Variants in GFPT1 observed in about 807,000 individuals in gnomAD.
The protein encoded by GFPT1 is glutamine--fructose-6-phosphate aminotransferase [isomerizing] 1.
In GFPT1, 40 loss-of-function variants were observed where a neutral mutation model predicts 92.0. The ratio of observed to expected loss-of-function variants is 0.43; its 90% CI spans 0.34 to 0.57. The LOEUF is 0.57. Among genes scored for constraint, GFPT1 ranks in the 20% least tolerant of loss-of-function variants. GFPT1 has a pLI of 0.02. For synonymous variants in GFPT1, 269 were observed against 280.6 expected (o/e 0.96, Z 0.41); for missense variants, 448 against 869.1 (o/e 0.52, Z 6.09).
chr2:69,328,167 G>T, intron 18 of GFPT1, 104 bp downstream of exon 18: 2 of 820,122 alleles, frequency 2.4e-6, no homozygotes, highest in Non-Finnish European at 2.1e-6. Context: ...GTATTCCAAA[G>T]TAAATGAGTT....
intron 1 of GFPT1, among the ~76,000 whole-genome samples, chr2:69,386,457 T>C (rs974918798): frequency 1.3e-5 from 2 of 152,168 alleles, no homozygotes; most frequent in South Asian, 2.1e-4. Flanking sequence ...CCACAGACAT[T>C]TGAAGGCCTC....
rs1223881848 is a variant in GFPT1, at chr2:69,322,112, A to G, written c.*4077T>C. On this transcript the variant is annotated 3_prime_UTR_variant, in exon 20 of 20. Coordinates refer to ENST00000357308, the MANE Select transcript of GFPT1 (RefSeq NM_001244710.2). ...TTAAGTGTTAGCATTTCTAAACTTG[A>G]GACTCTAACAGTAAAAATAAAGTAA... 6.6e-6 allele frequency: 1 copy of G among 152,192 alleles called. No individual in the cohort carries two copies. The highest frequency in any genetic ancestry group is 1.5e-5 in the Non-Finnish European group (1 of 68,020). The allele number at this position is 152,192 out of a possible 1,614,324, so 9.4% of individuals were successfully genotyped here. A position where few individuals can be genotyped will look rare whatever the true frequency, so the allele number is the denominator to read the frequency against.
intron 12 of GFPT1, among the ~76,000 whole-genome samples, chr2:69,343,413 C>A (rs1181914914): frequency 6.6e-6 from 1 of 150,708 alleles, no homozygotes; most frequent in Non-Finnish European, 1.5e-5. Flanking sequence ...CATCTCCTCA[C>A]CTTTTTTTTT....
chr2:69,380,652 C>G (rs901472770), intron 1 of GFPT1, among the ~76,000 whole-genome samples: 4 of 152,162 alleles, frequency 2.6e-5, no homozygotes, highest in African/African-American at 9.7e-5. Context: ...TTCCATCTCT[C>G]TCTCTTCTGA....
rs747850259 is a variant in GFPT1, at chr2:69,363,529, A to G, written c.349+16T>C. On this transcript the variant is annotated intron_variant, in intron 4 of 19. Coordinates refer to ENST00000357308, the MANE Select transcript of GFPT1 (RefSeq NM_001244710.2). ...GTTTCCACAATCATTCCAAAGCACA[A>G]AAAATCTTTCCATACCATTATTTTT... 1 of 1,613,448 alleles carries G rather than the reference A, an allele frequency of 6.2e-7. No individual in the cohort carries two copies. The highest frequency in any genetic ancestry group is 1.7e-5 in the Admixed American group (1 of 59,992).
intron 2 of GFPT1, among the ~76,000 whole-genome samples, chr2:69,371,801 C>A (rs2104683756): frequency 6.6e-6 from 1 of 151,728 alleles, no homozygotes; most frequent in East Asian, 2.0e-4. Flanking sequence ...CATGCCACTG[C>A]ACTCCAGGCT....
At chr2:69,375,406 T>C (rs761586435) in intron 1 of GFPT1, among the ~76,000 whole-genome samples, 1 of 152,138 alleles carries the variant, frequency 6.6e-6, no homozygotes, top group Non-Finnish European at 1.5e-5. Context: ...ACTGAAATAT[T>C]TCAGTATACA....
At position 69,323,609 on chromosome 2, in the gene GFPT1, C is replaced by T. The variant is rs1670463594; in HGVS notation, c.*2580G>A. On this transcript the variant is annotated 3_prime_UTR_variant, in exon 20 of 20. Coordinates refer to ENST00000357308, the MANE Select transcript of GFPT1 (RefSeq NM_001244710.2). Reference sequence around the variant, plus strand: ...AACCTCCCAGGCTCAAGCGATCCTACTACTTAAGCCTCCCAAGTTGCTGAG... The same window carrying T: ...AACCTCCCAGGCTCAAGCGATCCTATTACTTAAGCCTCCCAAGTTGCTGAG... 1 of 152,044 alleles carries T rather than the reference C, an allele frequency of 6.6e-6. No individual in the cohort carries two copies. The highest frequency in any genetic ancestry group is 2.1e-4 in the South Asian group (1 of 4,818). The allele number at this position is 152,044 out of a possible 1,614,324, so 9.4% of individuals were successfully genotyped here.
chr2:69,370,086 A>G lies in GFPT1; in HGVS notation c.138T>C (p.Asn46=). 6.2e-7 allele frequency: 1 copy of G among 1,609,160 alleles called. No homozygotes were observed. Residue 46 remains asparagine (N), a synonymous_variant, in exon 3 of 20, where the codon AAT becomes AAC. Coordinates refer to ENST00000357308, the MANE Select transcript of GFPT1 (RefSeq NM_001244710.2). ...DSAGVGFDGG[N]DKDWEANACK... is the part of the protein sequence containing the mutation. Reference sequence around the variant, plus strand: ...AGGCATTGGCTTCCCAATCTTTATCATTGCCTCCATCAAATCCCACACCTA... The same window carrying G: ...AGGCATTGGCTTCCCAATCTTTATCGTTGCCTCCATCAAATCCCACACCTA...
In GFPT1 at chr2:69,328,294, G is replaced by A. The variant is rs1670580537; in HGVS notation, c.1870C>T (p.Leu624Phe). The A allele has an allele frequency of 6.2e-7, 1 of 1,613,768 alleles. No homozygotes were observed. Among genetic ancestry groups the A allele is most frequent in the African/African-American group, 1.3e-5 (1 of 74,898 alleles). The change falls in exon 18 of 20, where the codon CTT (leucine) becomes TTT (phenylalanine). Residue 624 changes from leucine (L) to phenylalanine (F), a missense_variant. Coordinates refer to ENST00000357308, the MANE Select transcript of GFPT1 (RefSeq NM_001244710.2). ...ACCTGCCGAGCAACCACTTGCTGAAGAGCATTCTGACACTTGGCATAAGTG... is the reference window on the plus strand; with the variant it reads ...ACCTGCCGAGCAACCACTTGCTGAAAAGCATTCTGACACTTGGCATAAGTG... Reference protein sequence around the residue: ...DHTYAKCQNALQQVVARQGRP... With the variant: ...DHTYAKCQNAFQQVVARQGRP...
chr2:69,328,700 C>CTTTTTTTTTTTTTTTTTTT lies in GFPT1; in HGVS notation c.1726-263_1726-262insAAAAAAAAAAAAAAAAAAA, dbSNP rs780340372. Among the ~76,000 whole-genome samples, 2 of 99,928 alleles carry CTTTTTTTTTTTTTTTTTTT rather than the reference C, an allele frequency of 2.0e-5. 1 individual carries two copies. 65.6% of individuals were successfully genotyped at this position (99,928 alleles called of 152,430 possible). On this transcript the variant is annotated intron_variant, in intron 17 of 19. Coordinates refer to ENST00000357308, the MANE Select transcript of GFPT1 (RefSeq NM_001244710.2). Reference sequence around the variant, plus strand: ...AAACATATTCATATTTCTGGTTAACCCTTTTTTTTTTTTTTTTTAAGACAG... The same window carrying CTTTTTTTTTTTTTTTTTTT: ...AAACATATTCATATTTCTGGTTAACCTTTTTTTTTTTTTTTTTTTCTTTTTTTTTTTTTTTTTAAGACAG...
At position 69,328,354 on chromosome 2, in the gene GFPT1, A is replaced by T; in HGVS notation, c.1810T>A (p.Leu604Met). The T allele has an allele frequency of 6.2e-7, 1 of 1,613,406 alleles. No individual in the cohort carries two copies. Residue 604 changes from leucine to methionine, a missense_variant, in exon 18 of 20, where the codon TTG (leucine) becomes ATG (methionine). Physicochemically the swap from Leu to Met is conservative, Grantham distance 15 (BLOSUM62 2). This residue lies in a region of GFPT1 where 5 missense variants were observed against 46.8 expected (regional missense o/e 0.11). Coordinates refer to ENST00000357308, the MANE Select transcript of GFPT1 (RefSeq NM_001244710.2). ...KHGPLALVDK[L>M]MPVIMIIMRD... ...ATGATGATCATGATCACAGGCATCAATTTATCCACCAAAGCCAGAGGGCCA... is the reference window on the plus strand; with the variant it reads ...ATGATGATCATGATCACAGGCATCATTTTATCCACCAAAGCCAGAGGGCCA...
chr2:69,387,016 G>T, intron 1 of GFPT1, 49 bp downstream of exon 1: 3 of 1,394,718 alleles, frequency 2.2e-6, no homozygotes, highest in Non-Finnish European at 2.9e-6. Flanking sequence ...CACCCGCACC[G>T]CACCCCAGCG....
At chr2:69,358,146 T>C (rs544455758) in intron 6 of GFPT1, among the ~76,000 whole-genome samples, 183 bp downstream of exon 6, 1 of 151,918 alleles carries the variant, frequency 6.6e-6, no homozygotes, top group Non-Finnish European at 1.5e-5. Context: ...GAATTTTAAA[T>C]GGAGGGTGGG....
chr2:69,387,042 C>G, intron 1 of GFPT1, 23 bp downstream of exon 1: 1 of 1,517,204 alleles, frequency 6.6e-7, no homozygotes, highest in Non-Finnish European at 8.9e-7. Flanking sequence ...CGGCAACACG[C>G]CCCCCGCTCC....
At chr2:69,338,664 C>A (rs1670860804) in intron 13 of GFPT1, 99 bp from the exon 14 acceptor site, 3 of 1,103,506 alleles carry the variant, frequency 2.7e-6, no homozygotes, top group Admixed American at 3.7e-5. Context: ...TTTCTGATTA[C>A]AAAAATGACA....
chr2:69,335,849 C>A (rs987397799), intron 15 of GFPT1, among the ~76,000 whole-genome samples: 1 of 151,758 alleles, frequency 6.6e-6, no homozygotes, highest in Non-Finnish European at 1.5e-5. Flanking sequence ...GGTAAAACTC[C>A]GTCTCTACAA....
At chr2:69,367,340 A>AT (rs1328178930) in intron 3 of GFPT1, among the ~76,000 whole-genome samples, 4 of 132,720 alleles carry the variant, frequency 3.0e-5, no homozygotes, top group Admixed American at 7.5e-5. Flanking sequence ...TATACAACTT[A>AT]TTTTTTGTTG....
chr2:69,363,820 A>G (rs1671539815), intron 3 of GFPT1, 150 bp from the exon 4 acceptor site: 1 of 701,268 alleles, frequency 1.4e-6, no homozygotes, highest in South Asian at 1.7e-5. Flanking sequence ...AATAGTGATT[A>G]AAAGACTTAG....
Sources: allele counts gnomAD v4.1 joint callset (sites outside exome capture counted in the v4.1 genomes callset), GRCh38; gene constraint gnomAD v4.1.1; regional missense constraint gnomAD v4.1.1; transcripts MANE v1.5; gene names NCBI Gene and HGNC (gene_info 2026-07-23, HGNC 2026-07-21).